The following ENPP1 variants were observed in gnomAD, a reference collection of about 807,000 sequenced individuals.
ENPP1 encodes the protein ectonucleotide pyrophosphatase/phosphodiesterase family member 1.
Under a neutral mutation model 122.8 loss-of-function variants are expected in ENPP1, and 73 were observed. The ratio of observed to expected loss-of-function variants is 0.59; its 90% CI spans 0.49 to 0.72. The LOEUF (loss-of-function observed/expected upper bound fraction) is 0.72, where lower values mean the gene tolerates loss of function less well. ENPP1 is among the 30% of genes least tolerant of loss of function. The pLI is 0.00. For synonymous variants in ENPP1, 367 were observed against 391.6 expected (o/e 0.94, Z 0.74); for missense variants, 978 against 1,128.1 (o/e 0.87, Z 1.91).
chr6:131,808,460 A>G (rs968760438), intron 1 of ENPP1, among the ~76,000 whole-genome samples, 185 bp downstream of exon 1: 14 of 152,196 alleles, frequency 9.2e-5, no homozygotes, highest in African/African-American at 3.4e-4. Flanking sequence ...CGCCCCTGCC[A>G]GGTACCTTGC....
intron 13 of ENPP1, among the ~76,000 whole-genome samples, chr6:131,869,763 C>T (rs564148437): frequency 1.4e-5 from 2 of 145,128 alleles, no homozygotes; most frequent in Non-Finnish European, 3.0e-5. Context: ...GGCTGAGGTA[C>T]AAGAATCGCT....
rs569502520 is a variant in ENPP1, at chr6:131,891,272, A to C, written c.*761A>C. The C allele has an allele frequency of 6.6e-6, 1 of 152,224 alleles. No individual in the cohort carries two copies. The highest frequency in any genetic ancestry group is 6.5e-5 in the Admixed American group (1 of 15,268). The allele number at this position is 152,224 out of a possible 1,614,324, so 9.4% of individuals were successfully genotyped here. ...TTAACATAGGTTTAAAATGGCTTCA[A>C]ATGTGGCCCTATAGACGGTTAAAAT... On this transcript the variant is annotated 3_prime_UTR_variant, in exon 25 of 25. Transcript: ENST00000647893.
intron 8 of ENPP1, 35 bp from the exon 9 acceptor site, chr6:131,861,560 A>C (rs192923864): frequency 7.8e-7 from 1 of 1,284,324 alleles, no homozygotes; most frequent in South Asian, 1.2e-5. Flanking sequence ...GAATGTTTGC[A>C]TGATTTCTTA....
intron 1 of ENPP1, among the ~76,000 whole-genome samples, chr6:131,812,410 CT>C (rs1323423493): frequency 6.6e-6 from 1 of 152,110 alleles, no homozygotes; most frequent in Non-Finnish European, 1.5e-5. Flanking sequence ...GCTAGGAGTC[CT>C]TTATTTGATG....
At chr6:131,871,483 G>A (rs1782161614) in intron 13 of ENPP1, among the ~76,000 whole-genome samples, 1 of 152,160 alleles carries the variant, frequency 6.6e-6, no homozygotes. Context: ...AAAAGAAACA[G>A]CTTCCCACCT....
chr6:131,834,605 A>G (rs1781651191), intron 1 of ENPP1, among the ~76,000 whole-genome samples: 1 of 146,056 alleles, frequency 6.8e-6, no homozygotes, highest in Non-Finnish European at 1.5e-5. Flanking sequence ...ATCTCAGCCC[A>G]TTGCAACCTC....
chr6:131,894,306 G>C lies in ENPP1; in HGVS notation c.*3795G>C, dbSNP rs1361911881. 1.5e-5 allele frequency: 2 copies of C among 136,564 alleles called. No homozygotes were observed. Among genetic ancestry groups the C allele is most frequent in the Non-Finnish European group, 3.1e-5 (2 of 64,546 alleles). 8.5% of individuals were successfully genotyped at this position (136,564 alleles called of 1,614,324 possible). ...CATCAGTCCTTTTTTTTTTTTTTGA[G>C]ACAGAGTCTCGCTCTGTGGCCCAGG... On this transcript the variant is annotated 3_prime_UTR_variant, in exon 25 of 25. Coordinates refer to ENST00000647893, the MANE Select transcript of ENPP1 (RefSeq NM_006208.3).
At chr6:131,837,665 G>A (rs979940795) in intron 1 of ENPP1, among the ~76,000 whole-genome samples, 1 of 152,000 alleles carries the variant, frequency 6.6e-6, no homozygotes, top group Non-Finnish European at 1.5e-5. Flanking sequence ...TAAGTTGATA[G>A]GTATTCCTAT....
chr6:131,885,821 C>G (rs575860023), intron 23 of ENPP1, among the ~76,000 whole-genome samples: 1 of 152,292 alleles, frequency 6.6e-6, no homozygotes, highest in African/African-American at 2.4e-5. Flanking sequence ...AGGCATAAAG[C>G]TGCCTTAGAA....
chr6:131,827,676 G>C, intron 1 of ENPP1: 1 of 645,378 alleles, frequency 1.5e-6, no homozygotes, highest in Admixed American at 2.1e-5. Flanking sequence ...TCTGCTCTAC[G>C]TGCATGCGGA....
chr6:131,826,652 A>C, intron 1 of ENPP1: 1 of 823,102 alleles, frequency 1.2e-6, no homozygotes, highest in Non-Finnish European at 1.9e-6. Flanking sequence ...ATCATTTTCA[A>C]GTTGTTCAGC....
Position 131,894,460 on chromosome 6 carries a change from G to T in ENPP1, c.*3949G>T, listed in dbSNP as rs1161510847. ...GCCACACCTGGCTTTTTGTATTTTA[G>T]TGGAGATGGGGTTTCACTGTGTTGC... On this transcript the variant is annotated 3_prime_UTR_variant, in exon 25 of 25. Transcript: ENST00000647893. The T allele has an allele frequency of 6.6e-6, 1 of 151,706 alleles. No individual in the cohort carries two copies. Among genetic ancestry groups the T allele is most frequent in the East Asian group, 1.9e-4 (1 of 5,134 alleles). 9.4% of individuals were successfully genotyped at this position (151,706 alleles called of 1,614,324 possible).
chr6:131,889,840 C>T (rs1295475330), intron 24 of ENPP1, among the ~76,000 whole-genome samples: 3 of 152,098 alleles, frequency 2.0e-5, no homozygotes, highest in Non-Finnish European at 4.4e-5. Flanking sequence ...GGTATTTCTG[C>T]CTCTAGGTCT....
intron 23 of ENPP1, among the ~76,000 whole-genome samples, chr6:131,886,262 A>G (rs1251114693): frequency 1.3e-5 from 2 of 152,204 alleles, no homozygotes; most frequent in Non-Finnish European, 2.9e-5. Flanking sequence ...TTCAAAAATG[A>G]CATTTTCTTT....
Position 131,864,524 on chromosome 6 carries a change from A to C in ENPP1, c.1044A>C (p.Glu348Asp). The change falls in exon 10 of 25, where the codon GAA becomes GAC. Residue 348 changes from glutamate (E) to aspartate (D), a missense_variant. Around this residue, in one of 3 missense-constraint regions of ENPP1, gnomAD observed 644 missense variants for 781.5 expected, o/e 0.82. Coordinates refer to ENST00000647893, the MANE Select transcript of ENPP1 (RefSeq NM_006208.3). Reference sequence around the variant, plus strand: ...ATTTTAGTTCAGTACCATTTGAAGAAAGGATTTTAGCTGTTCTTCAGTGGC... The same window carrying C: ...ATTTTAGTTCAGTACCATTTGAAGACAGGATTTTAGCTGTTCTTCAGTGGC... ...KMYNGSVPFE[E>D]RILAVLQWLQ... The C allele has an allele frequency of 6.2e-7, 1 of 1,609,626 alleles. No homozygotes were observed. Among genetic ancestry groups the C allele is most frequent in the Non-Finnish European group, 8.5e-7 (1 of 1,176,134 alleles).
rs528297318 is a variant in ENPP1, at chr6:131,892,803, T to C, written c.*2292T>C. ...TTTGCTGGTATGGGTGGGGCCATGG[T>C]GTTTTTCCATGGTGTTTGGTTGGAG... is the stretch of plus-strand genomic sequence containing the variant. On this transcript the variant is annotated 3_prime_UTR_variant, in exon 25 of 25. Coordinates refer to ENST00000647893, the MANE Select transcript of ENPP1 (RefSeq NM_006208.3). 2 of 152,328 alleles carry C rather than the reference T, an allele frequency of 1.3e-5. No homozygotes were observed. Among genetic ancestry groups the C allele is most frequent in the African/African-American group, 4.8e-5 (2 of 41,572 alleles). The allele number at this position is 152,328 out of a possible 1,614,324, so 9.4% of individuals were successfully genotyped here. A position where few individuals can be genotyped will look rare whatever the true frequency, so the allele number is the denominator to read the frequency against.
Position 131,851,276 on chromosome 6 carries a change from C to T in ENPP1, c.556+9C>T. 6.8e-6 allele frequency: 11 copies of T among 1,614,026 alleles called. No individual in the cohort carries two copies. Among genetic ancestry groups the T allele is most frequent in the Non-Finnish European group, 9.3e-6 (11 of 1,179,938 alleles). ...CAGTTCTGTGTGTCAAGGTCAGGTG[C>T]TCGTTGGGCTCTGCAGCAGCCTGGT... On this transcript the variant is annotated intron_variant, in intron 4 of 24. Transcript: ENST00000647893.
At chr6:131,873,715 AC>A (rs1422444737) in intron 15 of ENPP1, among the ~76,000 whole-genome samples, 1 of 152,070 alleles carries the variant, frequency 6.6e-6, no homozygotes, top group Non-Finnish European at 1.5e-5. Context: ...TAGTCATGAT[AC>A]ATACCCCTGT....
At chr6:131,830,316 G>A (rs28594311) in intron 1 of ENPP1, among the ~76,000 whole-genome samples, 8 of 152,210 alleles carry the variant, frequency 5.3e-5, no homozygotes, top group African/African-American at 1.9e-4. Flanking sequence ...TCTTAAACTA[G>A]TGGGAGACCC....
Sources: allele counts gnomAD v4.1 joint callset (sites outside exome capture counted in the v4.1 genomes callset), GRCh38; gene constraint gnomAD v4.1.1; regional missense constraint gnomAD v4.1.1; transcripts MANE v1.5; gene names NCBI Gene and HGNC (gene_info 2026-07-23, HGNC 2026-07-21).